DNAJC11: variants seen among roughly 807,000 people sequenced by gnomAD.
The protein encoded by DNAJC11 is dnaJ homolog subfamily C member 11.
In DNAJC11, 15 loss-of-function variants were observed where a neutral mutation model predicts 78.6. The ratio of observed to expected loss-of-function variants is 0.19; its 90% confidence interval spans 0.13 to 0.29. The LOEUF (loss-of-function observed/expected upper bound fraction) is 0.29, where lower values mean the gene tolerates loss of function less well. DNAJC11 is among the 10% of genes least tolerant of loss of function. The pLI is 1.00. For missense variants in DNAJC11, 547 were observed against 709.6 expected, an observed-to-expected ratio of 0.77 and a Z score of 2.60; for synonymous variants, 292 against 272.1, an observed-to-expected ratio of 1.07 and a Z score of -0.72.
At chr1:6,659,925 A>G (rs1202737416) in intron 4 of DNAJC11, among the ~76,000 whole-genome samples, 2 of 151,392 alleles carry the variant, frequency 1.3e-5, no homozygotes, top group Non-Finnish European at 2.9e-5. Flanking sequence ...GCGTGGTGGC[A>G]GGCGCCTGGA....
chr1:6,693,284 T>G (rs939134113), intron 1 of DNAJC11, among the ~76,000 whole-genome samples: 4 of 152,204 alleles, frequency 2.6e-5, no homozygotes, highest in Non-Finnish European at 4.4e-5. Context: ...TACAAGTGGA[T>G]AGCAAAGTTC....
intron 10 of DNAJC11, among the ~76,000 whole-genome samples, chr1:6,643,609 G>A (rs551610759): frequency 7.2e-5 from 11 of 152,106 alleles, no homozygotes; most frequent in Non-Finnish European, 1.6e-4. Flanking sequence ...ACTAAGGAGA[G>A]GACAGTGACT....
Position 6,636,285 on chromosome 1 carries a change from G to A in DNAJC11, c.1525-39C>T, listed in dbSNP as rs775392119. On this transcript the variant is annotated intron_variant, in intron 14 of 15. Transcript: ENST00000377577. Reference sequence around the variant, plus strand: ...ATTGCTACTCTCAATACTCCAGACGGTCTAAGACCAGCACTCCTCCTCACT... The same window carrying A: ...ATTGCTACTCTCAATACTCCAGACGATCTAAGACCAGCACTCCTCCTCACT... 1.4e-5 allele frequency: 22 copies of A among 1,609,950 alleles called. No homozygotes were observed. In the Admixed American group the frequency reaches 3.3e-4, roughly 24 times the overall value.
At chr1:6,656,522 T>C (rs1293207439) in intron 4 of DNAJC11, among the ~76,000 whole-genome samples, 1 of 152,116 alleles carries the variant, frequency 6.6e-6, no homozygotes, top group African/African-American at 2.4e-5. Flanking sequence ...TGAAGAAATT[T>C]AGAATTGAGA....
intron 3 of DNAJC11, among the ~76,000 whole-genome samples, chr1:6,671,385 G>A (rs1052526916): frequency 2.6e-5 from 4 of 152,070 alleles, no homozygotes; most frequent in Non-Finnish European, 5.9e-5. Flanking sequence ...TGGGACTACA[G>A]GCATCTGCCA....
At chr1:6,675,634 G>C (rs190369372) in intron 3 of DNAJC11, among the ~76,000 whole-genome samples, 3 of 152,066 alleles carry the variant, frequency 2.0e-5, no homozygotes, top group Non-Finnish European at 4.4e-5. Context: ...TGTTGCTCCA[G>C]CTGGTCTCGA....
At chr1:6,638,399 C>A in intron 11 of DNAJC11, 35 bp from the exon 12 acceptor site, 4 of 1,596,344 alleles carry the variant, frequency 2.5e-6, no homozygotes, top group Admixed American at 1.7e-5. Flanking sequence ...CACGTTAGCG[C>A]GGCGCTGCCC....
intron 6 of DNAJC11, among the ~76,000 whole-genome samples, chr1:6,651,961 G>A (rs984028332): frequency 2.8e-5 from 4 of 144,702 alleles, no homozygotes; most frequent in Admixed American, 7.1e-5. Flanking sequence ...CACCGACTGC[G>A]GTCCGGTGTG....
At chr1:6,654,518 A>G (rs1642100175) in intron 4 of DNAJC11, among the ~76,000 whole-genome samples, 1 of 152,210 alleles carries the variant, frequency 6.6e-6, no homozygotes, top group Non-Finnish European at 1.5e-5. Context: ...AACAAATGGG[A>G]GACTTTAAAA....
At chr1:6,651,078 G>T in intron 7 of DNAJC11, 1 of 534,466 alleles carries the variant, frequency 1.9e-6, no homozygotes, top group South Asian at 1.4e-5. Context: ...AGTTCTAGGA[G>T]TGTGACATGG....
At chr1:6,684,375 C>G (rs776745983) in intron 1 of DNAJC11, among the ~76,000 whole-genome samples, 1 of 152,244 alleles carries the variant, frequency 6.6e-6, no homozygotes, top group Admixed American at 6.5e-5. Flanking sequence ...AGCCACTGCA[C>G]CCAGTCACAA....
chr1:6,637,762 C>CATG, intron 12 of DNAJC11: 1 of 570,106 alleles, frequency 1.8e-6, no homozygotes, highest in Non-Finnish European at 3.1e-6. Context: ...GGTGGGAGCT[C>CATG]CCTTTCTAGG....
At chr1:6,678,764 T>TG (rs2147877868) in intron 2 of DNAJC11, among the ~76,000 whole-genome samples, 1 of 152,318 alleles carries the variant, frequency 6.6e-6, no homozygotes, top group African/African-American at 2.4e-5. Flanking sequence ...CTAATCCTCC[T>TG]GCTCTAGCTT....
At chr1:6,700,134 C>A (rs1246749113) in intron 1 of DNAJC11, among the ~76,000 whole-genome samples, 4 of 152,178 alleles carry the variant, frequency 2.6e-5, no homozygotes, top group Non-Finnish European at 5.9e-5. Context: ...CGCTCCCCGC[C>A]CTTGTGATAA....
intron 6 of DNAJC11, among the ~76,000 whole-genome samples, chr1:6,651,960 C>T (rs554543536): frequency 2.7e-5 from 4 of 149,840 alleles, no homozygotes; most frequent in South Asian, 2.2e-4. Context: ...GCACCGACTG[C>T]GGTCCGGTGT....
At chr1:6,691,809 C>T (rs1642750399) in intron 1 of DNAJC11, among the ~76,000 whole-genome samples, 1 of 152,244 alleles carries the variant, frequency 6.6e-6, no homozygotes, top group Non-Finnish European at 1.5e-5. Context: ...CTTCCAGGGA[C>T]TGCAATCTGT....
chr1:6,638,856 A>G (rs1342896416), intron 11 of DNAJC11, among the ~76,000 whole-genome samples: 1 of 152,186 alleles, frequency 6.6e-6, no homozygotes, highest in Non-Finnish European at 1.5e-5. Context: ...ACCACTTTAG[A>G]CACACAGATC....
chr1:6,675,225 G>C lies in DNAJC11; in HGVS notation c.276+3169C>G, dbSNP rs144373222. Among the ~76,000 whole-genome samples, 190 of 151,620 alleles carry C rather than the reference G, an allele frequency of 1.3e-3. 1 individual carries two copies. Among genetic ancestry groups the C allele is most frequent in the African/African-American group, 4.2e-3 (174 of 41,310 alleles). Reference sequence around the variant, plus strand: ...ACATATCCGAGTAAATATCTGGGGAGGTGTCTTCATTTAGTTTTCTTTGAA... The same window carrying C: ...ACATATCCGAGTAAATATCTGGGGACGTGTCTTCATTTAGTTTTCTTTGAA... On this transcript the variant is annotated intron_variant, in intron 3 of 15. Transcript: ENST00000377577.
chr1:6,662,319 A>G (rs1168047918), intron 4 of DNAJC11, among the ~76,000 whole-genome samples: 2 of 151,724 alleles, frequency 1.3e-5, no homozygotes, highest in African/African-American at 4.8e-5. Flanking sequence ...TCAGCCTCCC[A>G]AGCAGCTTGG....
Sources: allele counts gnomAD v4.1 joint callset (sites outside exome capture counted in the v4.1 genomes callset), GRCh38; gene constraint gnomAD v4.1.1; transcripts MANE v1.5; gene names NCBI Gene and HGNC (gene_info 2026-07-23, HGNC 2026-07-21).